The following PCK2 variants were observed in gnomAD, a reference collection of about 807,000 sequenced individuals.
The protein encoded by PCK2 is phosphoenolpyruvate carboxykinase [GTP], mitochondrial.
In PCK2, 56 loss-of-function variants were observed where a neutral mutation model predicts 65.9. That is an observed-to-expected ratio of 0.85 (90% confidence interval 0.69 to 1.06). The LOEUF is 1.06. Ranked by LOEUF, PCK2 falls within the 50% of genes least tolerant of loss-of-function variation. PCK2 has a pLI of 0.00. For synonymous variants in PCK2, 305 were observed against 319.6 expected (o/e 0.95, Z 0.49); for missense variants, 843 against 863.1 (o/e 0.98, Z 0.29).
intron 1 of PCK2, chr14:24,095,085 C>G: frequency 2.2e-6 from 1 of 456,160 alleles, no homozygotes; most frequent in South Asian, 1.5e-5. Context: ...CAGGCTCGTC[C>G]TGTTTGTCTG....
chr14:24,097,563 TC>T (rs762962295), intron 2 of PCK2, among the ~76,000 whole-genome samples: 7 of 67,920 alleles, frequency 1.0e-4, no homozygotes, highest in African/African-American at 2.2e-4. Context: ...AAACTCTGTC[TC>T]AAAAAAAAAA....
Position 24,094,548 on chromosome 14 carries a change from G to C in PCK2, c.29+114G>C. ...TCCGCCAGGTTTCCCATCCTAGGCG[G>C]AGGCGGGCAGGGGCGACTGCTGTGG... On this transcript the variant is annotated intron_variant, in intron 1 of 9. Transcript: ENST00000216780. The surrounding 1 kb of genome is among the most constrained non-coding windows in gnomAD (Gnocchi z 4.1). The C allele has an allele frequency of 6.9e-7, 1 of 1,440,392 alleles. No individual in the cohort carries two copies. The highest frequency in any genetic ancestry group is 9.1e-7 in the Non-Finnish European group (1 of 1,101,822). 89.2% of individuals were successfully genotyped at this position (1,440,392 alleles called of 1,614,324 possible).
At position 24,098,507 on chromosome 14, in the gene PCK2, G is replaced by C; in HGVS notation, c.493G>C (p.Gly165Arg). Residue 165 changes from glycine (G) to arginine (R), a missense_variant, in exon 4 of 10, where the codon GGT (glycine) becomes CGT (arginine). Physicochemically the swap from Gly to Arg is moderately radical, Grantham distance 125. Transcript: ENST00000216780. Reference protein sequence around the residue: ...RTMYVLPFSMGPVGSPLSRIG... With the variant: ...RTMYVLPFSMRPVGSPLSRIG... ...CATGTATGTGCTTCCATTCAGCATG[G>C]GTCCTGTGGGCTCCCCGCTGTCCCG... is the stretch of plus-strand genomic sequence containing the variant. The C allele has an allele frequency of 6.2e-7, 1 of 1,614,104 alleles. No individual in the cohort carries two copies. The highest frequency in any genetic ancestry group is 8.5e-7 in the Non-Finnish European group (1 of 1,179,988).
rs779989168 is a variant in PCK2 at position 24,096,891 on chromosome 14, G to A, written c.30-1G>A. ...GCTCATTGCCTCTGTTTCTCCTATA[G>A]GCTTAACTGGCATGGGCTGAGCCCC... On this transcript the variant is annotated splice_acceptor_variant, in intron 1 of 9. Coordinates refer to ENST00000216780, the MANE Select transcript of PCK2 (RefSeq NM_004563.4). LOFTEE classifies it high-confidence loss of function. 1 of 1,611,926 alleles carries A rather than the reference G, an allele frequency of 6.2e-7. No homozygotes were observed. Among genetic ancestry groups the A allele is most frequent in the Admixed American group, 1.7e-5 (1 of 59,972 alleles).
At chr14:24,102,552 T>C in intron 7 of PCK2, 1 of 572,730 alleles carries the variant, frequency 1.7e-6, no homozygotes, top group African/African-American at 1.9e-5. Context: ...ATAGCTCAGC[T>C]GGCCGCACCT....
chr14:24,103,969 A>G lies in PCK2; in HGVS notation c.*5A>G. 1.2e-6 allele frequency: 2 copies of G among 1,609,678 alleles called. No homozygotes were observed. Among genetic ancestry groups the G allele is most frequent in the Non-Finnish European group, 1.7e-6 (2 of 1,176,196 alleles). ...AGACGTGTGCACAAAATGTGACCTG[A>G]GGCCCTAGTCTAGCAAGAGGACATA... On this transcript the variant is annotated 3_prime_UTR_variant, in exon 10 of 10. Coordinates refer to ENST00000216780, the MANE Select transcript of PCK2 (RefSeq NM_004563.4).
At position 24,099,245 on chromosome 14, in the gene PCK2, C is replaced by T. The variant is rs2037048610; in HGVS notation, c.852+9C>T. The T allele has an allele frequency of 6.3e-7, 1 of 1,585,670 alleles. No homozygotes were observed. Among genetic ancestry groups the T allele is most frequent in the Non-Finnish European group, 8.6e-7 (1 of 1,167,710 alleles). On this transcript the variant is annotated intron_variant, in intron 5 of 9. Transcript: ENST00000216780. The stretch of plus-strand genomic sequence containing the variant: ...TGGCAGAGCACATGCTGGTGAGGGC[C>T]TGGTGAGAAGCAGGGCAGCTGCCGG...
At position 24,098,548 on chromosome 14, in the gene PCK2, C is replaced by T. The variant is rs750837678; in HGVS notation, c.534C>T (p.Leu178=). The change falls in exon 4 of 10, where the codon CTC becomes CTT. Residue 178 remains leucine (L), a synonymous_variant. Transcript: ENST00000216780. ...CGCTGTCCCGCATCGGGGTGCAGCT[C>T]ACTGACTCAGCCTATGTGGTGGCAA... ...GSPLSRIGVQ[L]TDSAYVVASM... is the part of the protein sequence containing the mutation. 1.2e-6 allele frequency: 2 copies of T among 1,614,202 alleles called. 1 individual carries two copies. The highest frequency in any genetic ancestry group is 2.2e-5 in the South Asian group (2 of 91,090).
Position 24,103,251 on chromosome 14 carries a change from C to T in PCK2, c.1464C>T (p.His488=). 7 of 1,611,056 alleles carry T rather than the reference C, an allele frequency of 4.3e-6. No homozygotes were observed. Among genetic ancestry groups the T allele is most frequent in the Non-Finnish European group, 5.9e-6 (7 of 1,177,264 alleles). The change falls in exon 9 of 10, where the codon CAC becomes CAT. Residue 488 remains histidine (H), a synonymous_variant. Transcript: ENST00000216780. ...CTGAGTCCACTGCTGCAGCAGAACACAAAGGTGAGCACCCTCACCATTCCT... is the reference window on the plus strand; with the variant it reads ...CTGAGTCCACTGCTGCAGCAGAACATAAAGGTGAGCACCCTCACCATTCCT... The part of the protein sequence containing the change: ...MRSESTAAAE[H]KGKIIMHDPF...
In PCK2 at chr14:24,103,571, C is replaced by T. The variant is rs113162916; in HGVS notation, c.1530C>T (p.His510=). The T allele has an allele frequency of 5.7e-6, 9 of 1,589,638 alleles. No individual in the cohort carries two copies. Among genetic ancestry groups the T allele is most frequent in the East Asian group, 4.5e-5 (2 of 44,528 alleles). The change falls in exon 10 of 10, where the codon CAC becomes CAT. Residue 510 remains histidine, a synonymous_variant. Transcript: ENST00000216780. Reference sequence around the variant, plus strand: ...CCTTTTTTGGCTACAACTTCGGGCACTACCTGGAACACTGGCTGAGCATGG... The same window carrying T: ...CCTTTTTTGGCTACAACTTCGGGCATTACCTGGAACACTGGCTGAGCATGG... ...MRPFFGYNFG[H]YLEHWLSMEG... is the part of the protein sequence containing the mutation.
In PCK2 at chr14:24,094,574, G is replaced by A; in HGVS notation, c.29+140G>A. 6.9e-7 allele frequency: 1 copy of A among 1,449,836 alleles called. No individual in the cohort carries two copies. The highest frequency in any genetic ancestry group is 9.1e-7 in the Non-Finnish European group (1 of 1,104,946). The allele number at this position is 1,449,836 out of a possible 1,614,324, so 89.8% of individuals were successfully genotyped here. A position where few individuals can be genotyped will look rare whatever the true frequency, so the allele number is the denominator to read the frequency against. On this transcript the variant is annotated intron_variant, in intron 1 of 9. Coordinates refer to ENST00000216780, the MANE Select transcript of PCK2 (RefSeq NM_004563.4). The surrounding 1 kb of genome is among the most constrained non-coding windows in gnomAD (Gnocchi z 4.1). Reference sequence around the variant, plus strand: ...AGGCGGGCAGGGGCGACTGCTGTGGGTCCAGCCTCCCGCGCCGCGCGTCTC... The same window carrying A: ...AGGCGGGCAGGGGCGACTGCTGTGGATCCAGCCTCCCGCGCCGCGCGTCTC...
Position 24,094,317 on chromosome 14 carries a change from C to A in PCK2, c.-89C>A, listed in dbSNP as rs1486039599. The A allele has an allele frequency of 1.5e-6, 2 of 1,324,286 alleles. No homozygotes were observed. Among genetic ancestry groups the A allele is most frequent in the Non-Finnish European group, 2.1e-6 (2 of 958,928 alleles). 82.0% of individuals were successfully genotyped at this position (1,324,286 alleles called of 1,614,324 possible). A position where few individuals can be genotyped will look rare whatever the true frequency, so the allele number is the denominator to read the frequency against. On this transcript the variant is annotated 5_prime_UTR_variant, in exon 1 of 10. Coordinates refer to ENST00000216780, the MANE Select transcript of PCK2 (RefSeq NM_004563.4). The surrounding 1 kb of genome is among the most constrained non-coding windows in gnomAD (Gnocchi z 4.1). Reference sequence around the variant, plus strand: ...CCTCCCGCCAGCCTCTGCTGTGGCTCGCTTCGCCGCGCTCCCTCCTTCCCC... The same window carrying A: ...CCTCCCGCCAGCCTCTGCTGTGGCTAGCTTCGCCGCGCTCCCTCCTTCCCC...
At chr14:24,095,464 G>T (rs1423305097) in intron 1 of PCK2, 1 of 337,712 alleles carries the variant, frequency 3.0e-6, no homozygotes, top group East Asian at 7.6e-5. Context: ...TTCTACCCCA[G>T]ACAGACTCAA....
At chr14:24,097,855 A>G (rs1458505619) in intron 2 of PCK2, among the ~76,000 whole-genome samples, 1 of 152,138 alleles carries the variant, frequency 6.6e-6, no homozygotes, top group Non-Finnish European at 1.5e-5. Flanking sequence ...CAGCCTCCCA[A>G]AGTGCTGGGA....
intron 7 of PCK2, among the ~76,000 whole-genome samples, chr14:24,101,854 G>A (rs1021055502): frequency 6.6e-6 from 1 of 152,118 alleles, no homozygotes; most frequent in Non-Finnish European, 1.5e-5. Flanking sequence ...GGCAGAGGTT[G>A]CAGTGAGACA....
At position 24,100,074 on chromosome 14, in the gene PCK2, C is replaced by A. The variant is rs138960895; in HGVS notation, c.1095C>A (p.Ala365=). ...PGTSATTNPN[A]MATIQSNTIF... is the part of the protein sequence containing the mutation. Reference sequence around the variant, plus strand: ...CCTCTGCCACCACCAATCCCAACGCCATGGCTACAATCCAGAGTAACACTA... The same window carrying A: ...CCTCTGCCACCACCAATCCCAACGCAATGGCTACAATCCAGAGTAACACTA... The change falls in exon 7 of 10, where the codon GCC becomes GCA. Residue 365 remains alanine (A), a synonymous_variant. Transcript: ENST00000216780. 4 of 1,612,954 alleles carry A rather than the reference C, an allele frequency of 2.5e-6. No individual in the cohort carries two copies. The South Asian group carries it at 4.4e-5, about 18-fold the overall frequency.
In PCK2 at chr14:24,094,601, T is replaced by G; in HGVS notation, c.29+167T>G. 6.8e-7 allele frequency: 1 copy of G among 1,461,896 alleles called. No homozygotes were observed. The highest frequency in any genetic ancestry group is 9.0e-7 in the Non-Finnish European group (1 of 1,108,812). The allele number at this position is 1,461,896 out of a possible 1,614,324, so 90.6% of individuals were successfully genotyped here. ...CCAGCCTCCCGCGCCGCGCGTCTCT[T>G]GGGAGGGCAGCCGGCCGGTGCTCCT... On this transcript the variant is annotated intron_variant, in intron 1 of 9. Coordinates refer to ENST00000216780, the MANE Select transcript of PCK2 (RefSeq NM_004563.4). The surrounding 1 kb of genome is among the most constrained non-coding windows in gnomAD (Gnocchi z 4.1).
chr14:24,102,293 G>A (rs966870386), intron 7 of PCK2, among the ~76,000 whole-genome samples: 6 of 152,174 alleles, frequency 3.9e-5, no homozygotes, highest in Non-Finnish European at 7.3e-5. Flanking sequence ...TGTCTTCCCC[G>A]GTTTGCTGAC....
Position 24,103,633 on chromosome 14 carries a change from A to G in PCK2, c.1592A>G (p.His531Arg). The G allele has an allele frequency of 6.2e-7, 1 of 1,614,120 alleles. No individual in the cohort carries two copies. Among genetic ancestry groups the G allele is most frequent in the South Asian group, 1.1e-5 (1 of 91,082 alleles). ...RKGAQLPRIF[H>R]VNWFRRDEAG... ...GGGGCCCAGCTGCCCCGTATCTTCC[A>G]TGTCAACTGGTTCCGGCGTGACGAG... Residue 531 changes from histidine (H) to arginine (R), a missense_variant, in exon 10 of 10, where the codon CAT (histidine) becomes CGT (arginine). By Grantham distance (29) the His-to-Arg change is conservative (BLOSUM62 0). Coordinates refer to ENST00000216780, the MANE Select transcript of PCK2 (RefSeq NM_004563.4).
Sources: allele counts gnomAD v4.1 joint callset (sites outside exome capture counted in the v4.1 genomes callset), GRCh38; gene constraint gnomAD v4.1.1; non-coding constraint Gnocchi (gnomAD v3.1); transcripts MANE v1.5; gene names NCBI Gene and HGNC (gene_info 2026-07-23, HGNC 2026-07-21).